LRMDA: variants seen among roughly 807,000 people sequenced by gnomAD.
LRMDA encodes the protein leucine-rich melanocyte differentiation-associated protein.
LRMDA carries 18 observed loss-of-function variants against 29.8 expected under a neutral mutation model. That is an observed-to-expected ratio of 0.60 (90% CI 0.42 to 0.90). The LOEUF (loss-of-function observed/expected upper bound fraction) is 0.90, where lower values mean the gene tolerates loss of function less well. LRMDA is among the 40% of genes least tolerant of loss of function. The pLI is 0.00. For synonymous variants in LRMDA, 125 were observed against 109.4 expected (o/e 1.14, Z -0.89); for missense variants, 273 against 273.9 (o/e 1.00, Z 0.02).
At chr10:76,182,950 G>A (rs112399101) in intron 5 of LRMDA, among the ~76,000 whole-genome samples, 55 of 152,248 alleles carry the variant, frequency 3.6e-4, no homozygotes, top group African/African-American at 1.2e-3. Flanking sequence ...GAGTTGACTG[G>A]GGCAGCAAGG....
intron 2 of LRMDA, among the ~76,000 whole-genome samples, chr10:75,862,027 A>T (rs1844939290): frequency 6.6e-6 from 1 of 152,144 alleles, no homozygotes; most frequent in Admixed American, 6.6e-5. Flanking sequence ...AATTCATGCC[A>T]CTATCTGACA....
chr10:75,745,509 T>G (rs1467236425), intron 2 of LRMDA, among the ~76,000 whole-genome samples: 1 of 152,198 alleles, frequency 6.6e-6, no homozygotes, highest in African/African-American at 2.4e-5. Context: ...AACACTATAT[T>G]TTGGAATAAT....
chr10:76,313,581 C>A (rs1413457271), intron 5 of LRMDA, among the ~76,000 whole-genome samples: 1 of 152,072 alleles, frequency 6.6e-6, no homozygotes, highest in African/African-American at 2.4e-5. Flanking sequence ...ATAAAATAGC[C>A]CTTTCTCCAT....
At chr10:76,005,659 G>C (rs745373515) in intron 2 of LRMDA, among the ~76,000 whole-genome samples, 1 of 151,804 alleles carries the variant, frequency 6.6e-6, no homozygotes, top group African/African-American at 2.4e-5. Flanking sequence ...GGCCAGGCGC[G>C]GTGGCTCACA....
chr10:76,106,822 G>A (rs1849493182), intron 5 of LRMDA, among the ~76,000 whole-genome samples: 1 of 152,202 alleles, frequency 6.6e-6, no homozygotes, highest in South Asian at 2.1e-4. Context: ...CTTCTCTGTA[G>A]CGACAGAAGG....
chr10:75,704,675 T>A (rs778682480), intron 2 of LRMDA, among the ~76,000 whole-genome samples: 15 of 152,186 alleles, frequency 9.9e-5, no homozygotes, highest in Non-Finnish European at 2.2e-4. Context: ...TGGGAAGGTG[T>A]TACCTTTTCT....
rs574947227 is a variant in LRMDA at position 75,654,709 on chromosome 10, T to C, written c.131+216215T>C. Among the ~76,000 whole-genome samples the C allele has an allele frequency of 4.6e-5, 7 of 152,282 alleles. No homozygotes were observed. In the South Asian group the frequency reaches 1.5e-3, roughly 32 times the overall value. Reference sequence around the variant, plus strand: ...AGCATCACCGCACAGTAATGCAACTTAAAAGAAAGTTTGACAGAATTAGAA... The same window carrying C: ...AGCATCACCGCACAGTAATGCAACTCAAAAGAAAGTTTGACAGAATTAGAA... On this transcript the variant is annotated intron_variant, in intron 2 of 6. Transcript: ENST00000611255.
intron 3 of LRMDA, among the ~76,000 whole-genome samples, chr10:76,038,552 TG>T (rs1276556753): frequency 6.6e-6 from 1 of 152,244 alleles, no homozygotes; most frequent in East Asian, 1.9e-4. Flanking sequence ...GCTCTACTAA[TG>T]TGATTGTGAA....
At chr10:76,171,163 G>T (rs1850828824) in intron 5 of LRMDA, among the ~76,000 whole-genome samples, 1 of 152,184 alleles carries the variant, frequency 6.6e-6, no homozygotes, top group African/African-American at 2.4e-5. Flanking sequence ...AATGGGATAA[G>T]TCATCTGGCT....
intron 2 of LRMDA, among the ~76,000 whole-genome samples, chr10:75,714,608 C>G (rs938559139): frequency 2.0e-5 from 3 of 152,184 alleles, no homozygotes; most frequent in African/African-American, 7.2e-5. Flanking sequence ...TCCCCGTTCC[C>G]CAGTTGGTGG....
chr10:75,729,341 T>C (rs1842667794), intron 2 of LRMDA, among the ~76,000 whole-genome samples: 1 of 152,252 alleles, frequency 6.6e-6, no homozygotes, highest in Non-Finnish European at 1.5e-5. Flanking sequence ...CAGTAGGGCC[T>C]AGTCCCCAAA....
chr10:76,442,438 T>A (rs1842313468), intron 6 of LRMDA, among the ~76,000 whole-genome samples: 1 of 152,196 alleles, frequency 6.6e-6, no homozygotes, highest in African/African-American at 2.4e-5. Flanking sequence ...ACACCTATAA[T>A]CCTAGCGCTT....
chr10:75,801,044 A>G (rs775167705), intron 2 of LRMDA, among the ~76,000 whole-genome samples: 9 of 152,332 alleles, frequency 5.9e-5, no homozygotes, highest in Admixed American at 5.9e-4. Context: ...AGGAGTTTTC[A>G]TGCAAAGCTT....
intron 5 of LRMDA, among the ~76,000 whole-genome samples, chr10:76,163,885 A>G (rs2132182132): frequency 6.6e-6 from 1 of 152,324 alleles, no homozygotes; most frequent in East Asian, 1.9e-4. Flanking sequence ...ACATTTAGCC[A>G]AAGTCACTGG....
chr10:75,878,374 AG>A (rs1845235920), intron 2 of LRMDA, among the ~76,000 whole-genome samples: 1 of 151,840 alleles, frequency 6.6e-6, no homozygotes, highest in Admixed American at 6.6e-5. Context: ...GGGAGCCAGA[AG>A]GGGGGCATGG....
At chr10:76,459,062 A>G (rs531989432) in intron 6 of LRMDA, among the ~76,000 whole-genome samples, 47 of 152,244 alleles carry the variant, frequency 3.1e-4, no homozygotes, top group African/African-American at 1.1e-3. Context: ...AAATAGATTC[A>G]GATTTGGTAT....
At chr10:75,697,850 T>TGTGTGTGTGTGTGCGC (rs10664076) in intron 2 of LRMDA, among the ~76,000 whole-genome samples, 11 of 151,586 alleles carry the variant, frequency 7.3e-5, no homozygotes, top group African/African-American at 2.7e-4. Context: ...TGTGTGTGTG[T>TGTGTGTGTGTGTGCGC]GCGTGTGTGT....
intron 2 of LRMDA, among the ~76,000 whole-genome samples, chr10:75,987,235 G>C (rs1277205044): frequency 1.3e-5 from 2 of 152,184 alleles, no homozygotes; most frequent in South Asian, 2.1e-4. Context: ...TGGTCTTTAT[G>C]ATAGTTGTAT....
At chr10:76,503,326 G>T (rs111996364) in intron 6 of LRMDA, among the ~76,000 whole-genome samples, 1 of 151,762 alleles carries the variant, frequency 6.6e-6, no homozygotes, top group African/African-American at 2.4e-5. Context: ...ACGGACTGGC[G>T]CTGACATTGT....
Sources: allele counts gnomAD v4.1 joint callset (sites outside exome capture counted in the v4.1 genomes callset), GRCh38; gene constraint gnomAD v4.1.1; transcripts MANE v1.5; gene names NCBI Gene and HGNC (gene_info 2026-07-23, HGNC 2026-07-21).